The following RPL26 variants were observed in gnomAD, a reference collection of about 807,000 sequenced individuals.
The protein encoded by RPL26 is large ribosomal subunit protein uL24.
Under a neutral mutation model 16.2 loss-of-function variants are expected in RPL26, and 1 was observed. The ratio of observed to expected loss-of-function variants is 0.06; its 90% CI spans 0.02 to 0.29. The LOEUF (loss-of-function observed/expected upper bound fraction) is 0.29. RPL26 is among the 10% of genes least tolerant of loss of function. RPL26 has a pLI of 1.00. For synonymous variants in RPL26, 55 were observed against 62.4 expected (o/e 0.88, Z 0.56); for missense variants, 102 against 184.3 (o/e 0.55, Z 2.58).
chr17:8,382,970 T>C (rs1333282434), intron 1 of RPL26, 187 bp downstream of exon 1: 3 of 398,248 alleles, frequency 7.5e-6, no homozygotes, highest in African/African-American at 6.2e-5. Context: ...AAATCCCCGG[T>C]CCCTCCATCC....
At position 8,379,887 on chromosome 17, in the gene RPL26, A is replaced by G; in HGVS notation, c.218T>C (p.Val73Ala). The change falls in exon 3 of 4, where the codon GTT becomes GCT. Residue 73 changes from valine (V) to alanine (A), a missense_variant. Val to Ala is a moderately conservative substitution (Grantham distance 64). Coordinates refer to ENST00000648839, the MANE Select transcript of RPL26 (RefSeq NM_000987.5). ...KGQQIGKVVQ[V>A]YRKKYVIYIE... is the part of the protein sequence containing the mutation. ...GTAGATAACATATTTCTTCCTGTAA[A>G]CCTGGACTACTTTGCCAATTTGCTG... 4 of 1,613,750 alleles carry G rather than the reference A, an allele frequency of 2.5e-6. No homozygotes were observed. Among genetic ancestry groups the G allele is most frequent in the Non-Finnish European group, 3.4e-6 (4 of 1,179,698 alleles).
At position 8,377,679 on chromosome 17, in the gene RPL26, C is replaced by T; in HGVS notation, c.323G>A (p.Arg108Lys). ...TTTGCGGTCTTTGTCCAGTTTTAGC[C>T]TAGTGATAACCACCTGCAGAAAAAT... ...GIHPSKVVIT[R>K]LKLDKDRKKI... is the part of the protein sequence containing the mutation. The change falls in exon 4 of 4, where the codon AGG becomes AAG. Residue 108 changes from arginine to lysine, a missense_variant. Transcript: ENST00000648839. 1 of 1,608,386 alleles carries T rather than the reference C, an allele frequency of 6.2e-7. No individual in the cohort carries two copies. The highest frequency in any genetic ancestry group is 8.5e-7 in the Non-Finnish European group (1 of 1,177,790).
At chr17:8,381,544 C>T (rs1907408870) in intron 2 of RPL26, among the ~76,000 whole-genome samples, 1 of 151,922 alleles carries the variant, frequency 6.6e-6, no homozygotes, top group Non-Finnish European at 1.5e-5. Flanking sequence ...CCCCTCTCTA[C>T]AGAAACAAAA....
chr17:8,381,778 A>G (rs1907425151), intron 2 of RPL26: 1 of 220,562 alleles, frequency 4.5e-6, no homozygotes, highest in Non-Finnish European at 9.0e-6. Context: ...AAACACAAAA[A>G]TTAGCCGAGC....
chr17:8,379,581 C>G, intron 3 of RPL26: 1 of 584,456 alleles, frequency 1.7e-6, no homozygotes, highest in South Asian at 2.3e-5. Context: ...CAAAAACAAA[C>G]TAACAGAAAC....
rs1193599772 is a variant in RPL26 at position 8,382,166 on chromosome 17, T to C, written c.145A>G (p.Ile49Val). The change falls in exon 2 of 4, where the codon ATC becomes GTC. Residue 49 changes from isoleucine (I) to valine (V), a missense_variant. Coordinates refer to ENST00000648839, the MANE Select transcript of RPL26 (RefSeq NM_000987.5). ...ACCTGAACTTCATCATCCTTTCGGA[T>C]GGGCATGGATCGCACGTTGTACTTC... ...RQKYNVRSMPIRKDDEVQVVR... is the reference protein window; with the variant it reads ...RQKYNVRSMPVRKDDEVQVVR... 1.9e-6 allele frequency: 3 copies of C among 1,613,574 alleles called. No homozygotes were observed. In the Admixed American group the frequency reaches 5.0e-5, roughly 27 times the overall value.
intron 2 of RPL26, 98 bp from the exon 3 acceptor site, chr17:8,380,034 T>C (rs944648638): frequency 1.1e-5 from 11 of 1,005,658 alleles, no homozygotes; most frequent in Non-Finnish European, 1.4e-5. Context: ...CCTATCATTA[T>C]ATTAAAAGGT....
chr17:8,381,718 A>G (rs1907421489), intron 2 of RPL26: 2 of 193,678 alleles, frequency 1.0e-5, no homozygotes, highest in Non-Finnish European at 2.1e-5. Context: ...ACCTGACGCC[A>G]TGAGTTCGAG....
intron 2 of RPL26, among the ~76,000 whole-genome samples, chr17:8,381,521 C>T (rs1418155344): frequency 6.6e-6 from 1 of 152,086 alleles, no homozygotes; most frequent in Non-Finnish European, 1.5e-5. Flanking sequence ...CCAATCTGGG[C>T]AGTAAAGTGA....
At chr17:8,382,494 T>G (rs1036269045) in intron 1 of RPL26, 179 bp from the exon 2 acceptor site, 3 of 557,844 alleles carry the variant, frequency 5.4e-6, no homozygotes, top group Admixed American at 3.4e-5. Context: ...AAACTTTTTA[T>G]TTTTTGTTTT....
At chr17:8,381,611 G>A (rs925074144) in intron 2 of RPL26, among the ~76,000 whole-genome samples, 2 of 152,102 alleles carry the variant, frequency 1.3e-5, no homozygotes, top group African/African-American at 4.8e-5. Context: ...CCACGCAACT[G>A]CACTCCAGTC....
intron 2 of RPL26, 51 bp from the exon 3 acceptor site, chr17:8,379,987 T>C (rs765228878): frequency 6.0e-6 from 9 of 1,490,098 alleles, no homozygotes; most frequent in Non-Finnish European, 8.3e-6. Flanking sequence ...ATTAACCTTG[T>C]AAATCAAGTA....
At chr17:8,378,520 G>C (rs535119102) in intron 3 of RPL26, among the ~76,000 whole-genome samples, 6 of 144,386 alleles carry the variant, frequency 4.2e-5, no homozygotes, top group Non-Finnish European at 9.5e-5. Flanking sequence ...CCCCCAAACA[G>C]AAAAATAATA....
intron 2 of RPL26, chr17:8,381,879 A>G (rs2151675174): frequency 3.2e-6 from 1 of 313,382 alleles, no homozygotes; most frequent in South Asian, 3.0e-5. Flanking sequence ...CAGTGAGCTG[A>G]GATGGCACCA....
intron 1 of RPL26, 57 bp from the exon 2 acceptor site, chr17:8,382,372 CAAAT>C (rs1487094704): frequency 1.2e-5 from 15 of 1,205,736 alleles, no homozygotes; most frequent in African/African-American, 7.5e-5. Context: ...AGCTTCCAAA[CAAAT>C]AACCGCAATG....
chr17:8,381,931 C>CAA (rs34005158), intron 2 of RPL26: 86 of 315,454 alleles, frequency 2.7e-4, no homozygotes, highest in African/African-American at 1.8e-3. Flanking sequence ...GACTTCATCT[C>CAA]AAAAAAAAAA....
At chr17:8,378,670 A>ATT (rs1415049656) in intron 3 of RPL26, among the ~76,000 whole-genome samples, 6 of 152,226 alleles carry the variant, frequency 3.9e-5, no homozygotes, top group Admixed American at 2.6e-4. Context: ...ATTATGATAA[A>ATT]TTTTAGTCTT....
At chr17:8,379,629 A>T in intron 3 of RPL26, 167 bp downstream of exon 3, 1 of 627,790 alleles carries the variant, frequency 1.6e-6, no homozygotes, top group South Asian at 2.2e-5. Context: ...GAAACATTTT[A>T]AATGGTATTA....
intron 3 of RPL26, 39 bp from the exon 4 acceptor site, chr17:8,377,731 A>ATT (rs1475069854): frequency 6.3e-7 from 1 of 1,578,224 alleles, no homozygotes; most frequent in East Asian, 2.2e-5. Flanking sequence ...CAAGCTTTAA[A>ATT]TAATCACTAA....
Sources: gnomAD v4.1 joint callset for allele counts (sites outside exome capture counted in the v4.1 genomes callset) on GRCh38, gnomAD v4.1.1 for gene constraint, MANE v1.5 for transcripts, NCBI Gene and HGNC (gene_info 2026-07-23, HGNC 2026-07-21) for gene names.